TRIML2: variants seen among roughly 807,000 people sequenced by gnomAD.
TRIML2 encodes the protein probable E3 ubiquitin-protein ligase TRIML2.
TRIML2 carries 28 observed loss-of-function variants against 31.2 expected under a neutral mutation model. The observed-to-expected ratio is 0.90, with a 90% confidence interval of 0.66 to 1.23. TRIML2 has a LOEUF of 1.23. Ranked by LOEUF, TRIML2 falls within the 50% of genes most tolerant of loss-of-function variation. The pLI, the probability that TRIML2 is intolerant of heterozygous loss-of-function variation, is 0.00. For synonymous variants in TRIML2, 187 were observed against 197.5 expected (o/e 0.95, Z 0.45); for missense variants, 536 against 528.3 (o/e 1.01, Z -0.14).
rs776654023 is a variant in TRIML2 at position 188,101,157 on chromosome 4, G to C, written c.379C>G (p.Gln127Glu). 5.0e-6 allele frequency: 8 copies of C among 1,613,792 alleles called. No homozygotes were observed. The highest frequency in any genetic ancestry group is 1.3e-5 in the African/African-American group (1 of 74,984). Reference sequence around the variant, plus strand: ...TTCAAGTCAGATATGCATTCCTGCTGTCTCTGGAGATTCTGCTCACACTCT... The same window carrying C: ...TTCAAGTCAGATATGCATTCCTGCTCTCTCTGGAGATTCTGCTCACACTCT... ...NEECEQNLQR[Q>E]QECISDLNLR... The change falls in exon 4 of 8, where the codon CAG becomes GAG. Residue 127 changes from glutamine (Q) to glutamate (E), a missense_variant. Physicochemically the swap from Gln to Glu is conservative, Grantham distance 29. Transcript: ENST00000682553.
chr4:188,094,108 A>AG (rs1733396666), intron 7 of TRIML2, among the ~76,000 whole-genome samples: 1 of 140,122 alleles, frequency 7.1e-6, no homozygotes. Context: ...AAAAACAAAA[A>AG]CAAAAACAAA....
chr4:188,105,349 G>A lies in TRIML2; in HGVS notation c.20C>T (p.Pro7Leu), dbSNP rs749492501. The change falls in exon 2 of 8, where the codon CCT becomes CTT. Residue 7 changes from proline to leucine, a missense_variant. By Grantham distance (98) the Pro-to-Leu change is moderately conservative (BLOSUM62 -3). Coordinates refer to ENST00000682553, the MANE Select transcript of TRIML2 (RefSeq NM_173553.4). ...TTCTGTGATGTTGTGCTGTAACTGA[G>A]GGCTGAGCCTTTTGGACATCCTGGT... is the stretch of plus-strand genomic sequence containing the variant. MSKRLS[P>L]QLQHNITEDA... is the part of the protein sequence containing the mutation. 2.5e-6 allele frequency: 4 copies of A among 1,587,704 alleles called. No individual in the cohort carries two copies. In the South Asian group the frequency reaches 3.3e-5, roughly 13 times the overall value.
chr4:188,102,092 C>CGCT (rs1733820969), intron 3 of TRIML2, among the ~76,000 whole-genome samples: 1 of 146,528 alleles, frequency 6.8e-6, no homozygotes, highest in South Asian at 2.2e-4. Flanking sequence ...ATGGCGCCAC[C>CGCT]GCACTCCAGC....
At position 188,091,771 on chromosome 4, in the gene TRIML2, A is replaced by G. The variant is rs750239844; in HGVS notation, c.916T>C (p.Trp306Arg). ...AESFTSGRHY[W>R]EVDVEKATRW... ...GTTGCCTTTTCCACGTCCACCTCCC[A>G]GTAGTGCCTCCCTGAGGTGAAGCTC... is the stretch of plus-strand genomic sequence containing the variant. The change falls in exon 8 of 8, where the codon TGG (tryptophan) becomes CGG (arginine). Residue 306 changes from tryptophan (W) to arginine (R), a missense_variant. Transcript: ENST00000682553. 2.0e-5 allele frequency: 32 copies of G among 1,613,942 alleles called. No homozygotes were observed. In the South Asian group the frequency reaches 2.9e-4, roughly 14 times the overall value.
chr4:188,106,836 C>T, intron 1 of TRIML2: 1 of 248,424 alleles, frequency 4.0e-6, no homozygotes, highest in Admixed American at 4.7e-5. Context: ...AGAAGACAGG[C>T]CGGGCTGAGC....
At chr4:188,098,935 T>C (rs1022251375) in intron 5 of TRIML2, 100 bp downstream of exon 5, 13 of 1,333,050 alleles carry the variant, frequency 9.8e-6, no homozygotes, top group South Asian at 5.7e-5. Context: ...TTGAAGATCA[T>C]TGGATATTGT....
chr4:188,100,934 G>C (rs916166493), intron 4 of TRIML2, 122 bp downstream of exon 4: 1 of 825,936 alleles, frequency 1.2e-6, no homozygotes, highest in African/African-American at 1.7e-5. Context: ...TGCCAGGTAG[G>C]TATATAATTC....
In TRIML2 at chr4:188,109,345, C is replaced by T. The variant is rs559567800; in HGVS notation, c.-325G>A. ...AGGCTGGAATGCAGTGGCGCAATCT[C>T]GGCTCACTACAGCCTCGAGCTCCCA... On this transcript the variant is annotated 5_prime_UTR_variant, in exon 1 of 8. Transcript: ENST00000682553. 5 of 136,768 alleles carry T rather than the reference C, an allele frequency of 3.7e-5. No individual in the cohort carries two copies. The highest frequency in any genetic ancestry group is 8.4e-5 in the African/African-American group (3 of 35,732). 8.5% of individuals were successfully genotyped at this position (136,768 alleles called of 1,614,324 possible).
chr4:188,094,705 C>A (rs1273353018), intron 7 of TRIML2, among the ~76,000 whole-genome samples: 1 of 152,144 alleles, frequency 6.6e-6, no homozygotes, highest in Non-Finnish European at 1.5e-5. Flanking sequence ...GTCAATTCTC[C>A]CCAAACTGAT....
intron 7 of TRIML2, among the ~76,000 whole-genome samples, chr4:188,096,432 C>T (rs958547144): frequency 7.1e-5 from 10 of 140,888 alleles, no homozygotes; most frequent in Admixed American, 3.8e-4. Context: ...CTTGGGAGGC[C>T]GAGGCAGGAG....
chr4:188,098,778 T>G, intron 5 of TRIML2: 3 of 434,972 alleles, frequency 6.9e-6, no homozygotes, highest in Admixed American at 4.0e-5. Flanking sequence ...ATTAACCACA[T>G]TGTGTCACAT....
Position 188,105,032 on chromosome 4 carries a change from C to G in TRIML2, c.190-100G>C. On this transcript the variant is annotated intron_variant, in intron 2 of 7. Transcript: ENST00000682553. ...CAACTCTGAGTATATATTTTCTTAGCCTTTAGGTTGAAGGTTCAACGAACT... is the reference window on the plus strand; with the variant it reads ...CAACTCTGAGTATATATTTTCTTAGGCTTTAGGTTGAAGGTTCAACGAACT... The G allele has an allele frequency of 4.3e-6, 6 of 1,408,144 alleles. No homozygotes were observed. The South Asian group carries it at 6.1e-5, about 14-fold the overall frequency. The allele number at this position is 1,408,144 out of a possible 1,614,324, so 87.2% of individuals were successfully genotyped here.
chr4:188,099,824 A>AT (rs888531487), intron 4 of TRIML2, among the ~76,000 whole-genome samples: 6 of 152,116 alleles, frequency 3.9e-5, no homozygotes, highest in African/African-American at 7.2e-5. Context: ...AAGGTTCCCT[A>AT]TTTTTTCATT....
chr4:188,098,261 G>A lies in TRIML2; in HGVS notation c.621+774C>T, dbSNP rs754947862. 1.5e-4 allele frequency: 70 copies of A among 455,500 alleles called. 4 individuals are homozygous for A. Among genetic ancestry groups the A allele is most frequent in the South Asian group, 1.0e-3 (66 of 64,462 alleles). The allele number at this position is 455,500 out of a possible 1,614,324, so 28.2% of individuals were successfully genotyped here. A position where few individuals can be genotyped will look rare whatever the true frequency, so the allele number is the denominator to read the frequency against. ...TTCATTTCTCGCAGTTCTGGAGGCC[G>A]AATTTCAAGATCAAGGCACTGGCAG... On this transcript the variant is annotated intron_variant, in intron 5 of 7. Coordinates refer to ENST00000682553, the MANE Select transcript of TRIML2 (RefSeq NM_173553.4).
chr4:188,101,460 C>T (rs1733786455), intron 3 of TRIML2, among the ~76,000 whole-genome samples: 4 of 151,802 alleles, frequency 2.6e-5, no homozygotes, highest in Admixed American at 2.6e-4. Flanking sequence ...CTTTGGGAGG[C>T]CAAAGTGGGT....
intron 4 of TRIML2, among the ~76,000 whole-genome samples, chr4:188,100,340 C>A (rs76210840): frequency 0.036 from 5,438 of 152,174 alleles, 181 homozygotes; most frequent in African/African-American, 0.088. Flanking sequence ...GCTAAAGGAA[C>A]CAAGTCAAAG....
At chr4:188,093,411 C>T (rs188736399) in intron 7 of TRIML2, among the ~76,000 whole-genome samples, 2 of 152,234 alleles carry the variant, frequency 1.3e-5, no homozygotes, top group African/African-American at 2.4e-5. Flanking sequence ...CGGTGGCTCA[C>T]GCTTGTAATC....
chr4:188,104,488 G>A (rs1324144520), intron 3 of TRIML2, among the ~76,000 whole-genome samples: 27 of 151,878 alleles, frequency 1.8e-4, no homozygotes, highest in African/African-American at 4.6e-4. Context: ...TCAGCCTCCC[G>A]AGTAGCTGGG....
chr4:188,099,393 G>A (rs1481598144), intron 4 of TRIML2, among the ~76,000 whole-genome samples: 2 of 152,118 alleles, frequency 1.3e-5, no homozygotes, highest in African/African-American at 4.8e-5. Flanking sequence ...GTGAAACCCA[G>A]TCTCCACTAG....
Sources: allele counts gnomAD v4.1 joint callset (sites outside exome capture counted in the v4.1 genomes callset), GRCh38; gene constraint gnomAD v4.1.1; transcripts MANE v1.5; gene names NCBI Gene and HGNC (gene_info 2026-07-23, HGNC 2026-07-21).